Variants in CEMIP observed in about 807,000 individuals in gnomAD.
CEMIP encodes cell migration inducing hyaluronidase 1.
CEMIP carries 105 observed loss-of-function variants against 156.9 expected under a neutral mutation model. That is an observed-to-expected ratio of 0.67 (90% CI 0.57 to 0.79). The LOEUF is 0.79. Among genes scored for constraint, CEMIP ranks in the 30% least tolerant of loss-of-function variants. The pLI is 0.00. For missense variants in CEMIP, 1,457 were observed against 1,769.4 expected (o/e 0.82, Z 3.17); for synonymous variants, 676 against 668.4 (o/e 1.01, Z -0.17).
At chr15:80,844,502 T>C (rs567022834) in intron 1 of CEMIP, among the ~76,000 whole-genome samples, 1 of 152,278 alleles carries the variant, frequency 6.6e-6, no homozygotes, top group East Asian at 1.9e-4. Context: ...TGGGTGGCCA[T>C]TGCCTCCATG....
intron 1 of CEMIP, among the ~76,000 whole-genome samples, chr15:80,809,785 C>T (rs1008418325): frequency 2.6e-5 from 4 of 152,224 alleles, no homozygotes; most frequent in African/African-American, 7.2e-5. Flanking sequence ...TAGCTGGGGG[C>T]TGCTGTAAGC....
At chr15:80,791,678 T>C (rs922875509) in intron 1 of CEMIP, among the ~76,000 whole-genome samples, 1 of 152,158 alleles carries the variant, frequency 6.6e-6, no homozygotes. Context: ...GTCTCAGGGC[T>C]GGGGTGAGGA....
intron 1 of CEMIP, among the ~76,000 whole-genome samples, chr15:80,795,765 T>C (rs1222746908): frequency 3.9e-5 from 6 of 152,002 alleles, no homozygotes; most frequent in Admixed American, 2.0e-4. Flanking sequence ...AAGACCCCCA[T>C]CTATAAGAAA....
intron 3 of CEMIP, among the ~76,000 whole-genome samples, chr15:80,875,291 TC>T (rs1898438706): frequency 6.6e-6 from 1 of 152,124 alleles, no homozygotes; most frequent in Non-Finnish European, 1.5e-5. Context: ...AGCCTCGGTC[TC>T]CCAAAGTGCT....
intron 1 of CEMIP, among the ~76,000 whole-genome samples, chr15:80,838,678 A>G (rs1329775158): frequency 6.6e-6 from 1 of 152,096 alleles, no homozygotes; most frequent in African/African-American, 2.4e-5. Context: ...TTGTATTCCC[A>G]AGACCTATCC....
intron 1 of CEMIP, among the ~76,000 whole-genome samples, chr15:80,832,017 A>G (rs1161741412): frequency 6.6e-6 from 1 of 152,256 alleles, no homozygotes; most frequent in Non-Finnish European, 1.5e-5. Context: ...TTTGTCATTC[A>G]AATGGATACT....
chr15:80,832,358 G>GTGTGTGTGTGTGTGTGTGTA (rs1897175692), intron 1 of CEMIP, among the ~76,000 whole-genome samples: 1 of 151,636 alleles, frequency 6.6e-6, no homozygotes, highest in Non-Finnish European at 1.5e-5. Flanking sequence ...GTGTGTGTGT[G>GTGTGTGTGTGTGTGTGTGTA]TGTAAGAGAA....
Position 80,860,426 on chromosome 15 carries a change from G to C in CEMIP, c.-175-13112G>C, listed in dbSNP as rs1166907588. Among the ~76,000 whole-genome samples, 4 of 152,358 alleles carry C rather than the reference G, an allele frequency of 2.6e-5. No individual in the cohort carries two copies. In the East Asian group the frequency reaches 7.7e-4, roughly 29 times the overall value. ...TGTAAGTCGGGCCCACACAGTCTGA[G>C]ATGATGTACTTGCAGTGCCTGGAGG... is the stretch of plus-strand genomic sequence containing the variant. On this transcript the variant is annotated intron_variant, in intron 1 of 29. Transcript: ENST00000394685.
intron 1 of CEMIP, among the ~76,000 whole-genome samples, chr15:80,851,727 T>G (rs1483676386): frequency 2.0e-5 from 3 of 152,000 alleles, no homozygotes; most frequent in Admixed American, 2.0e-4. Flanking sequence ...CTGGTGGTAC[T>G]AGCGTGGCCA....
At chr15:80,815,683 ACT>A (rs1387825119) in intron 1 of CEMIP, among the ~76,000 whole-genome samples, 1 of 151,910 alleles carries the variant, frequency 6.6e-6, no homozygotes, top group Non-Finnish European at 1.5e-5. Context: ...AAATAGTCTA[ACT>A]CTGTGCCTTT....
intron 25 of CEMIP, 66 bp downstream of exon 25, chr15:80,938,045 A>C: frequency 7.4e-7 from 1 of 1,354,634 alleles, no homozygotes; most frequent in South Asian, 1.2e-5. Flanking sequence ...TGGCCTTTCC[A>C]ATAAGTCTAA....
intron 12 of CEMIP, among the ~76,000 whole-genome samples, chr15:80,902,522 A>G (rs1426380955): frequency 6.6e-6 from 1 of 152,218 alleles, no homozygotes; most frequent in Non-Finnish European, 1.5e-5. Flanking sequence ...TGAAGGCGGC[A>G]GCAGGACAGA....
intron 1 of CEMIP, among the ~76,000 whole-genome samples, chr15:80,819,591 G>A (rs1596110845): frequency 1.3e-5 from 2 of 152,196 alleles, no homozygotes; most frequent in East Asian, 3.8e-4. Flanking sequence ...CACACCCTGA[G>A]TATTCCCCCT....
intron 3 of CEMIP, among the ~76,000 whole-genome samples, chr15:80,875,021 A>AT (rs755707756): frequency 0.038 from 2,442 of 64,962 alleles, 414 homozygotes; most frequent in Non-Finnish European, 0.04. Context: ...AGCAAGTAGC[A>AT]TTTTTTTTTT....
At chr15:80,795,686 T>C (rs1896205767) in intron 1 of CEMIP, among the ~76,000 whole-genome samples, 1 of 152,108 alleles carries the variant, frequency 6.6e-6, no homozygotes, top group Admixed American at 6.5e-5. Flanking sequence ...ATAATCCCAG[T>C]GCTTTGGGAG....
chr15:80,780,112 G>C (rs905279336), intron 1 of CEMIP, among the ~76,000 whole-genome samples: 1 of 152,210 alleles, frequency 6.6e-6, no homozygotes, highest in African/African-American at 2.4e-5. Flanking sequence ...GCCTCAGCAC[G>C]CTCTTCCTCC....
At chr15:80,840,781 A>C (rs1201046914) in intron 1 of CEMIP, among the ~76,000 whole-genome samples, 1 of 152,194 alleles carries the variant, frequency 6.6e-6, no homozygotes, top group Non-Finnish European at 1.5e-5. Context: ...TAGGGGGTCC[A>C]GGACAGGAAG....
chr15:80,803,398 A>G, intron 1 of CEMIP, among the ~76,000 whole-genome samples: 1 of 152,352 alleles, frequency 6.6e-6, no homozygotes, highest in South Asian at 2.1e-4. Flanking sequence ...TATTCAATTC[A>G]ATTTTGACCC....
chr15:80,899,735 T>TC (rs1555433994), intron 12 of CEMIP, among the ~76,000 whole-genome samples: 2 of 152,132 alleles, frequency 1.3e-5, no homozygotes, highest in Non-Finnish European at 2.9e-5. Context: ...CTACTGGATA[T>TC]CCCCTGGCAG....
Sources: gnomAD v4.1 joint callset for allele counts (sites outside exome capture counted in the v4.1 genomes callset) on GRCh38, gnomAD v4.1.1 for gene constraint, MANE v1.5 for transcripts, NCBI Gene and HGNC (gene_info 2026-07-23, HGNC 2026-07-21) for gene names.